The following MIGA2 variants were observed in gnomAD, a reference collection of about 807,000 sequenced individuals.
MIGA2 encodes family with sequence similarity 73, member B.
A neutral mutation model predicts 69.9 loss-of-function variants in MIGA2; 36 were observed. That is an observed-to-expected ratio of 0.52 (90% CI 0.39 to 0.68). MIGA2 has a LOEUF of 0.68. Among genes scored for constraint, MIGA2 ranks in the 30% least tolerant of loss-of-function variants. The probability of loss-of-function intolerance (pLI) is 0.00; values close to 1 mark genes in which losing one functional copy is unlikely to be tolerated. For synonymous variants in MIGA2, 333 were observed against 349.2 expected (o/e 0.95, Z 0.52); for missense variants, 660 against 787.7 (o/e 0.84, Z 1.94).
At chr9:129,065,440 G>A (rs1382034257) in intron 11 of MIGA2, among the ~76,000 whole-genome samples, 1 of 151,808 alleles carries the variant, frequency 6.6e-6, no homozygotes, top group Non-Finnish European at 1.5e-5. Context: ...CTGCCTCCCA[G>A]GTTCAAGTGA....
Position 129,068,963 on chromosome 9 carries a change from T to C in MIGA2, c.1405-113T>C. ...GCTTAGGCACCTGGCCCCATCTTCC[T>C]GCTTGGAGTGGGGTGAGCTGGGTTT... On this transcript the variant is annotated intron_variant, in intron 13 of 15. Transcript: ENST00000684074. The surrounding 1 kb of genome is among the most constrained non-coding windows in gnomAD (Gnocchi z 4.1). The C allele has an allele frequency of 8.1e-7, 1 of 1,235,602 alleles. No homozygotes were observed. 76.5% of individuals were successfully genotyped at this position (1,235,602 alleles called of 1,614,324 possible).
chr9:129,061,437 C>A lies in MIGA2; in HGVS notation c.1010+91C>A. ...AGGCGGAGAAGCCAGCGGTGCTTGG[C>A]GAGGACTTAGCCTGAGTGAGTCCAG... On this transcript the variant is annotated intron_variant, in intron 9 of 15. Coordinates refer to ENST00000684074, the MANE Select transcript of MIGA2 (RefSeq NM_001329990.2). This position sits in a 1 kb window ranked among gnomAD's most constrained non-coding sequence, Gnocchi z 5.0. 1 of 1,209,654 alleles carries A rather than the reference C, an allele frequency of 8.3e-7. No homozygotes were observed. The highest frequency in any genetic ancestry group is 1.2e-6 in the Non-Finnish European group (1 of 861,138). The allele number at this position is 1,209,654 out of a possible 1,614,324, so 74.9% of individuals were successfully genotyped here. A position where few individuals can be genotyped will look rare whatever the true frequency, so the allele number is the denominator to read the frequency against.
In MIGA2 at chr9:129,048,687, C is replaced by A. The variant is rs1241525171; in HGVS notation, c.420+148C>A. ...ACCCACGCGGGCTTTCAGGGATTGT[C>A]CCTAATCACTCACTGTGCCAGGTGT... is the stretch of plus-strand genomic sequence containing the variant. On this transcript the variant is annotated intron_variant, in intron 4 of 15. Transcript: ENST00000684074. 7.7e-6 allele frequency: 5 copies of A among 649,068 alleles called. No individual in the cohort carries two copies. The East Asian group carries it at 8.3e-5, about 11-fold the overall frequency. The allele number at this position is 649,068 out of a possible 1,614,324, so 40.2% of individuals were successfully genotyped here.
At chr9:129,043,644 C>T (rs1845044946) in intron 3 of MIGA2, among the ~76,000 whole-genome samples, 1 of 152,016 alleles carries the variant, frequency 6.6e-6, no homozygotes, top group Admixed American at 6.5e-5. Context: ...ACCTCAGCCT[C>T]CCAAAATCCT....
At chr9:129,054,782 T>A (rs1228208386) in intron 6 of MIGA2, among the ~76,000 whole-genome samples, 3 of 152,252 alleles carry the variant, frequency 2.0e-5, no homozygotes, top group Non-Finnish European at 4.4e-5. Context: ...TTGGCTCTTA[T>A]GAATAATGCT....
At chr9:129,038,639 A>C in intron 1 of MIGA2, among the ~76,000 whole-genome samples, 1 of 152,092 alleles carries the variant, frequency 6.6e-6, no homozygotes, top group East Asian at 1.9e-4. Flanking sequence ...TGTACTGAGC[A>C]CAAAGTCTGA....
At chr9:129,052,426 A>G (rs1845596991) in intron 6 of MIGA2, among the ~76,000 whole-genome samples, 1 of 149,710 alleles carries the variant, frequency 6.7e-6, no homozygotes, top group Non-Finnish European at 1.5e-5. Flanking sequence ...CCCAGCCTAC[A>G]GTGAATATTT....
rs567781829 is a variant in MIGA2 at position 129,042,360 on chromosome 9, G to T, written c.153G>T (p.Thr51=). The T allele has an allele frequency of 6.2e-7, 1 of 1,613,508 alleles. No individual in the cohort carries two copies. The highest frequency in any genetic ancestry group is 1.7e-5 in the Admixed American group (1 of 60,028). The change falls in exon 3 of 16, where the codon ACG becomes ACT. Residue 51 remains threonine, a synonymous_variant. Coordinates refer to ENST00000684074, the MANE Select transcript of MIGA2 (RefSeq NM_001329990.2). ...TPGLRKVLFA[T]ALGTVALALA... ...GCCTGCGGAAAGTCCTCTTTGCCAC[G>T]GCCCTGGGGACTGTGGCCCTGGCCC...
rs982495252 is a variant in MIGA2, at chr9:129,069,071, T to C, written c.1405-5T>C. On this transcript the variant is annotated splice_region_variant and splice_polypyrimidine_tract_variant and intron_variant, in intron 13 of 15. Transcript: ENST00000684074. The surrounding 1 kb of genome is among the most constrained non-coding windows in gnomAD (Gnocchi z 4.9). ...CACCCGGGGGACATCCTATTTTTGA[T>C]GTAGGCCTTGGCCACTGCTTGCTGG... The C allele has an allele frequency of 1.9e-6, 3 of 1,613,774 alleles. No homozygotes were observed. The highest frequency in any genetic ancestry group is 2.2e-5 in the East Asian group (1 of 44,890).
Position 129,069,576 on chromosome 9 carries a change from G to A in MIGA2, c.1459-273G>A. 1.8e-6 allele frequency: 1 copy of A among 547,444 alleles called. No homozygotes were observed. The highest frequency in any genetic ancestry group is 3.3e-6 in the Non-Finnish European group (1 of 303,056). The allele number at this position is 547,444 out of a possible 1,614,324, so 33.9% of individuals were successfully genotyped here. ...TCTGCGGGCCAGGCTCTGTTGCCTA[G>A]CTGATACCAGCTGCCGTGGCCACGT... is the stretch of plus-strand genomic sequence containing the variant. On this transcript the variant is annotated intron_variant, in intron 14 of 15. Transcript: ENST00000684074. This position sits in a 1 kb window ranked among gnomAD's most constrained non-coding sequence, Gnocchi z 4.9.
chr9:129,063,052 G>T (rs572659760), intron 9 of MIGA2, 192 bp from the exon 10 acceptor site: 2 of 607,240 alleles, frequency 3.3e-6, no homozygotes, highest in Non-Finnish European at 2.9e-6. Context: ...CATCCAGGCA[G>T]CCTCGTCCTT....
intron 6 of MIGA2, among the ~76,000 whole-genome samples, chr9:129,052,549 G>A (rs1371555901): frequency 6.6e-6 from 1 of 152,176 alleles, no homozygotes; most frequent in Non-Finnish European, 1.5e-5. Context: ...GGCCGAGGCA[G>A]GAGGACCAGT....
intron 15 of MIGA2, 129 bp downstream of exon 15, chr9:129,070,094 C>A: frequency 8.1e-7 from 1 of 1,228,816 alleles, no homozygotes; most frequent in Non-Finnish European, 1.2e-6. Context: ...GCCAGACCCA[C>A]ATGGGTCCAG....
intron 11 of MIGA2, 102 bp downstream of exon 11, chr9:129,063,733 C>A: frequency 1.8e-6 from 2 of 1,084,664 alleles, no homozygotes; most frequent in Non-Finnish European, 2.7e-6. Context: ...CAGGCTGATA[C>A]ACGTTCCTCC....
intron 3 of MIGA2, among the ~76,000 whole-genome samples, chr9:129,046,738 AC>A (rs1845245013): frequency 6.6e-6 from 1 of 150,802 alleles, no homozygotes; most frequent in African/African-American, 2.4e-5. Flanking sequence ...GTGCCACCAC[AC>A]CCGGCTTTCT....
intron 3 of MIGA2, among the ~76,000 whole-genome samples, chr9:129,045,150 CAAAAA>C (rs543356730): frequency 1.2e-5 from 1 of 86,128 alleles, no homozygotes; most frequent in Non-Finnish European, 2.3e-5. Context: ...GACTCTATCT[CAAAAA>C]AAAAAAAAAA....
intron 9 of MIGA2, among the ~76,000 whole-genome samples, chr9:129,062,503 G>C (rs1196350753): frequency 1.5e-5 from 2 of 133,004 alleles, no homozygotes; most frequent in South Asian, 2.4e-4. Context: ...CTGCACTCTA[G>C]CCTGGGCAAC....
At chr9:129,044,082 C>T (rs550493427) in intron 3 of MIGA2, among the ~76,000 whole-genome samples, 1 of 150,596 alleles carries the variant, frequency 6.6e-6, no homozygotes, top group African/African-American at 2.4e-5. Flanking sequence ...TAGCCTCTGC[C>T]TTCCGGTTTC....
In MIGA2 at chr9:129,068,180, CG is replaced by C; in HGVS notation, c.1270-13del. The C allele has an allele frequency of 6.2e-7, 1 of 1,613,600 alleles. No homozygotes were observed. Among genetic ancestry groups the C allele is most frequent in the Non-Finnish European group, 8.5e-7 (1 of 1,179,988 alleles). On this transcript the variant is annotated splice_polypyrimidine_tract_variant and intron_variant, in intron 12 of 15. Transcript: ENST00000684074. This position sits in a 1 kb window ranked among gnomAD's most constrained non-coding sequence, Gnocchi z 4.1. ...GCAGTGCCCCCATGCATGAGCCTCC[CG>C]GGGGCACCCTCTGTAGGTGGTATGC... is the stretch of plus-strand genomic sequence containing the variant.
Sources: gnomAD v4.1 joint callset for allele counts (sites outside exome capture counted in the v4.1 genomes callset) on GRCh38, gnomAD v4.1.1 for gene constraint, Gnocchi (gnomAD v3.1) non-coding constraint, MANE v1.5 for transcripts, NCBI Gene and HGNC (gene_info 2026-07-23, HGNC 2026-07-21) for gene names.